NIPBL: variants seen among roughly 807,000 people sequenced by gnomAD.
NIPBL encodes NIPBL cohesin loading factor.
In NIPBL, 19 loss-of-function variants were observed where a neutral mutation model predicts 321.8. The ratio of observed to expected loss-of-function variants is 0.06; its 90% confidence interval spans 0.04 to 0.09. The LOEUF (loss-of-function observed/expected upper bound fraction) is 0.09, where lower values mean the gene tolerates loss of function less well. NIPBL is among the 10% of genes least tolerant of loss of function. The pLI is 1.00. For synonymous variants in NIPBL, 1,106 were observed against 1,114.1 expected, an observed-to-expected ratio of 0.99 and a Z score of 0.14; for missense variants, 2,210 against 3,327.0, an observed-to-expected ratio of 0.66 and a Z score of 8.26.
At chr5:37,061,774 T>TA (rs1449426909) in intron 45 of NIPBL, among the ~76,000 whole-genome samples, 1 of 152,242 alleles carries the variant, frequency 6.6e-6, no homozygotes, top group Non-Finnish European at 1.5e-5. Flanking sequence ...TAATACCTAA[T>TA]ACAATGTAAA....
intron 1 of NIPBL, among the ~76,000 whole-genome samples, chr5:36,918,416 G>A (rs1270176751): frequency 6.6e-6 from 1 of 152,172 alleles, no homozygotes; most frequent in East Asian, 1.9e-4. Context: ...AGCCTAAGGA[G>A]ATTTTGGTCT....
chr5:36,944,263 GAGTT>G (rs1298825149), intron 1 of NIPBL, among the ~76,000 whole-genome samples: 3 of 152,100 alleles, frequency 2.0e-5, no homozygotes, highest in Non-Finnish European at 2.9e-5. Flanking sequence ...ATTTTTGAAT[GAGTT>G]AGAGCAGGAT....
intron 42 of NIPBL, among the ~76,000 whole-genome samples, chr5:37,055,002 G>T (rs566388305): frequency 6.6e-6 from 1 of 152,204 alleles, no homozygotes; most frequent in African/African-American, 2.4e-5. Flanking sequence ...TAGCATTGTG[G>T]TCACACTGGA....
intron 34 of NIPBL, among the ~76,000 whole-genome samples, chr5:37,040,432 A>G (rs374131925): frequency 6.6e-6 from 1 of 152,146 alleles, no homozygotes; most frequent in East Asian, 1.9e-4. Flanking sequence ...ACACAGAGGT[A>G]TATATAAATG....
intron 1 of NIPBL, among the ~76,000 whole-genome samples, chr5:36,915,021 T>TA (rs1748350481): frequency 6.6e-6 from 1 of 152,166 alleles, no homozygotes; most frequent in African/African-American, 2.4e-5. Flanking sequence ...TATTTACATT[T>TA]AAAAAATAGC....
At chr5:36,930,096 T>C (rs2149570784) in intron 1 of NIPBL, among the ~76,000 whole-genome samples, 1 of 152,148 alleles carries the variant, frequency 6.6e-6, no homozygotes, top group Middle Eastern at 3.4e-3. Flanking sequence ...AGGATCAGCT[T>C]ATTTCTATGG....
At chr5:36,913,385 CTTTT>C (rs770339545) in intron 1 of NIPBL, among the ~76,000 whole-genome samples, 1 of 137,870 alleles carries the variant, frequency 7.3e-6, no homozygotes, top group Admixed American at 7.3e-5. Context: ...TTATTTCCTT[CTTTT>C]TTTTTTTTTT....
chr5:37,041,579 T>G (rs1168325548), intron 34 of NIPBL, among the ~76,000 whole-genome samples: 1 of 151,598 alleles, frequency 6.6e-6, no homozygotes, highest in Non-Finnish European at 1.5e-5. Flanking sequence ...TCTTTTTTTT[T>G]TAAGACACAG....
At chr5:36,961,983 T>A (rs181226022) in intron 5 of NIPBL, 140 bp from the exon 6 acceptor site, 1 of 959,786 alleles carries the variant, frequency 1.0e-6, no homozygotes, top group East Asian at 2.6e-5. Flanking sequence ...GTTATTTGAC[T>A]ATTTTGCAAG....
intron 6 of NIPBL, among the ~76,000 whole-genome samples, chr5:36,967,627 C>T (rs1742353206): frequency 6.6e-6 from 1 of 152,092 alleles, no homozygotes. Flanking sequence ...ACATTCATGT[C>T]CTGTTCCCGA....
chr5:37,011,416 A>T (rs934983674), intron 21 of NIPBL, among the ~76,000 whole-genome samples: 4 of 152,150 alleles, frequency 2.6e-5, no homozygotes, highest in African/African-American at 4.8e-5. Context: ...TTAGCTGGTC[A>T]TGTTGTTGTG....
intron 37 of NIPBL, 57 bp downstream of exon 37, chr5:37,045,654 C>G (rs1752897345): frequency 1.3e-6 from 2 of 1,532,044 alleles, no homozygotes; most frequent in African/African-American, 2.7e-5. Flanking sequence ...GCACTGTGAT[C>G]TGAGAATGAC....
chr5:37,016,691 T>TA (rs975908420), intron 23 of NIPBL, among the ~76,000 whole-genome samples: 3 of 152,144 alleles, frequency 2.0e-5, no homozygotes, highest in Non-Finnish European at 4.4e-5. Flanking sequence ...TCGGAAACTA[T>TA]AATAACTTTT....
At chr5:37,047,882 G>A (rs938108302) in intron 38 of NIPBL, among the ~76,000 whole-genome samples, 1 of 152,086 alleles carries the variant, frequency 6.6e-6, no homozygotes, top group East Asian at 1.9e-4. Flanking sequence ...TTAACCCGTG[G>A]TTATAGGATT....
At chr5:37,017,236 G>T in intron 24 of NIPBL, 74 bp downstream of exon 24, 3 of 1,398,658 alleles carry the variant, frequency 2.1e-6, no homozygotes, top group Admixed American at 3.9e-5. Context: ...CATTAGTTTT[G>T]CATTTCATTT....
intron 21 of NIPBL, among the ~76,000 whole-genome samples, chr5:37,011,158 T>C (rs1405573021): frequency 6.6e-6 from 1 of 152,238 alleles, no homozygotes; most frequent in African/African-American, 2.4e-5. Flanking sequence ...GTGTATACTT[T>C]TATCTCAACA....
At chr5:36,881,094 A>G (rs1165400811) in intron 1 of NIPBL, among the ~76,000 whole-genome samples, 2 of 151,924 alleles carry the variant, frequency 1.3e-5, no homozygotes, top group Non-Finnish European at 2.9e-5. Context: ...TTTGAGAGAG[A>G]GGATACCTGT....
chr5:36,963,971 A>G (rs1741918531), intron 6 of NIPBL, among the ~76,000 whole-genome samples: 1 of 152,190 alleles, frequency 6.6e-6, no homozygotes, highest in Admixed American at 6.5e-5. Flanking sequence ...CCATATACAC[A>G]TGAATGTGTG....
In NIPBL at chr5:37,019,409, C is replaced by A. The variant is rs536151596; in HGVS notation, c.5010+9C>A. On this transcript the variant is annotated intron_variant, in intron 25 of 46. Transcript: ENST00000282516. Reference sequence around the variant, plus strand: ...CTGATCCTTCACTAGTGGTAGGATTCTTTTCCCCTGTTTTGGAGATACTAC... The same window carrying A: ...CTGATCCTTCACTAGTGGTAGGATTATTTTCCCCTGTTTTGGAGATACTAC... The A allele has an allele frequency of 2.5e-6, 4 of 1,590,826 alleles. No individual in the cohort carries two copies. The highest frequency in any genetic ancestry group is 4.5e-5 in the East Asian group (2 of 44,682).
Sources: allele counts gnomAD v4.1 joint callset (sites outside exome capture counted in the v4.1 genomes callset), GRCh38; gene constraint gnomAD v4.1.1; transcripts MANE v1.5; gene names NCBI Gene and HGNC (gene_info 2026-07-23, HGNC 2026-07-21).